The following CFLAR variants were observed in gnomAD, a reference collection of about 807,000 sequenced individuals.
CFLAR encodes the protein CASP8 and FADD like apoptosis regulator.
Under a neutral mutation model 51.1 loss-of-function variants are expected in CFLAR, and 14 were observed. The observed-to-expected ratio is 0.27, with a 90% CI of 0.18 to 0.43. The LOEUF (loss-of-function observed/expected upper bound fraction) is 0.43. Among genes scored for constraint, CFLAR ranks in the 20% least tolerant of loss-of-function variants. CFLAR has a pLI of 1.00. For synonymous variants in CFLAR, 210 were observed against 211.6 expected, an observed-to-expected ratio of 0.99 and a Z score of 0.06; for missense variants, 390 against 566.5, an observed-to-expected ratio of 0.69 and a Z score of 3.16.
chr2:201,156,305 C>G (rs1362126279), intron 8 of CFLAR, among the ~76,000 whole-genome samples: 1 of 152,196 alleles, frequency 6.6e-6, no homozygotes, highest in Non-Finnish European at 1.5e-5. Flanking sequence ...GCGAAGAAAC[C>G]TATTTTAGCC....
rs1425339375 is a variant in CFLAR at position 201,174,476 on chromosome 2, T to C, written c.*10503T>C. 3 of 152,238 alleles carry C rather than the reference T, an allele frequency of 2.0e-5. No individual in the cohort carries two copies. The highest frequency in any genetic ancestry group is 7.2e-5 in the African/African-American group (3 of 41,462). The allele number at this position is 152,238 out of a possible 1,614,324, so 9.4% of individuals were successfully genotyped here. A position where few individuals can be genotyped will look rare whatever the true frequency, so the allele number is the denominator to read the frequency against. On this transcript the variant is annotated 3_prime_UTR_variant, in exon 10 of 10. Coordinates refer to ENST00000309955, the MANE Select transcript of CFLAR (RefSeq NM_003879.7). ...TATCTTATGGTAGTACCACACTGTC[T>C]TGATTATTGTAACTTCGTAGTAAGT...
In CFLAR at chr2:201,172,445, C is replaced by T. The variant is rs1018042406; in HGVS notation, c.*8472C>T. 3.3e-5 allele frequency: 5 copies of T among 151,984 alleles called. No homozygotes were observed. The highest frequency in any genetic ancestry group is 2.6e-4 in the Admixed American group (4 of 15,236). The allele number at this position is 151,984 out of a possible 1,614,324, so 9.4% of individuals were successfully genotyped here. ...GTAATTCACAAGCCATAAAATTTGC[C>T]CCTTTAAAGTAAATGATGCAGTGGA... On this transcript the variant is annotated 3_prime_UTR_variant, in exon 10 of 10. Transcript: ENST00000309955.
rs528115170 is a variant in CFLAR at position 201,165,075 on chromosome 2, G to A, written c.*1102G>A. The A allele has an allele frequency of 7.4e-4, 112 of 152,066 alleles. No individual in the cohort carries two copies. Among genetic ancestry groups the A allele is most frequent in the African/African-American group, 2.4e-3 (100 of 41,448 alleles). The allele number at this position is 152,066 out of a possible 1,614,324, so 9.4% of individuals were successfully genotyped here. A position where few individuals can be genotyped will look rare whatever the true frequency, so the allele number is the denominator to read the frequency against. On this transcript the variant is annotated 3_prime_UTR_variant, in exon 10 of 10. Coordinates refer to ENST00000309955, the MANE Select transcript of CFLAR (RefSeq NM_003879.7). ...GATACTGTCTCCCCTTTGAATTCTG[G>A]GGGGAATACAAACATTCAGTTTGTA... is the stretch of plus-strand genomic sequence containing the variant.
At chr2:201,158,557 G>GA (rs1553561233) in intron 8 of CFLAR, among the ~76,000 whole-genome samples, 4 of 152,026 alleles carry the variant, frequency 2.6e-5, no homozygotes, top group Non-Finnish European at 5.9e-5. Flanking sequence ...GATTAGAGAC[G>GA]TGTGAGTCCT....
In CFLAR at chr2:201,129,912, A is replaced by C; in HGVS notation, c.47A>C (p.Asp16Ala). The change falls in exon 2 of 10, where the codon GAT (aspartate) becomes GCT (alanine). Residue 16 changes from aspartate to alanine, a missense_variant. By Grantham distance (126) the Asp-to-Ala change is moderately radical. This residue lies in a region of CFLAR where 103 missense variants were observed against 202.9 expected (regional missense o/e 0.51). Coordinates refer to ENST00000309955, the MANE Select transcript of CFLAR (RefSeq NM_003879.7). ...CAGGTTGAAGAAGCACTTGATACAG[A>C]TGAGAAGGAGATGCTGCTCTTTTTG... ...IHQVEEALDT[D>A]EKEMLLFLCR... is the part of the protein sequence containing the mutation. 1 of 1,614,180 alleles carries C rather than the reference A, an allele frequency of 6.2e-7. No homozygotes were observed. The highest frequency in any genetic ancestry group is 8.5e-7 in the Non-Finnish European group (1 of 1,180,036).
At position 201,124,566 on chromosome 2, in the gene CFLAR, C is replaced by T. The variant is rs1034510172; in HGVS notation, c.-137-5163C>T. 6.6e-6 allele frequency among the ~76,000 whole-genome samples: 1 copy of T among 152,136 alleles called. No homozygotes were observed. The highest frequency in any genetic ancestry group is 6.5e-5 in the Admixed American group (1 of 15,274). On this transcript the variant is annotated intron_variant, in intron 1 of 9. Transcript: ENST00000309955. This position sits in a 1 kb window ranked among gnomAD's most constrained non-coding sequence, Gnocchi z 4.7. ...GCCAGGCTGGTCTTGAACTCCTTGC[C>T]TCAAGTGATCCGCCCGCCTTGGCCT... is the stretch of plus-strand genomic sequence containing the variant.
chr2:201,150,540 G>C (rs1941108346), intron 8 of CFLAR: 1 of 152,146 alleles, frequency 6.6e-6, no homozygotes, highest in South Asian at 2.1e-4. Flanking sequence ...ACACAATAGA[G>C]ACTTGTTTCT....
intron 5 of CFLAR, chr2:201,143,446 T>C (rs1032383651): frequency 6.6e-6 from 1 of 151,788 alleles, no homozygotes; most frequent in African/African-American, 2.4e-5. Context: ...CACTCCAGTT[T>C]GGGCAACAAG....
At chr2:201,141,495 G>A (rs1364124727) in intron 5 of CFLAR, 1 of 1,520,152 alleles carries the variant, frequency 6.6e-7, no homozygotes, top group African/African-American at 1.4e-5. Flanking sequence ...TTTTCTAAAT[G>A]TGTTATAATG....
Position 201,172,864 on chromosome 2 carries a change from T to A in CFLAR, c.*8891T>A. On this transcript the variant is annotated 3_prime_UTR_variant, in exon 10 of 10. Coordinates refer to ENST00000309955, the MANE Select transcript of CFLAR (RefSeq NM_003879.7). ...GATGATGCTGCTATGAATATTCGTA[T>A]ATGAATTTTTATATGGATATATGTT... 1 of 152,224 alleles carries A rather than the reference T, an allele frequency of 6.6e-6. No individual in the cohort carries two copies. The highest frequency in any genetic ancestry group is 1.5e-5 in the Non-Finnish European group (1 of 68,034). 9.4% of individuals were successfully genotyped at this position (152,224 alleles called of 1,614,324 possible).
intron 6 of CFLAR, among the ~76,000 whole-genome samples, chr2:201,147,008 G>A (rs1230295766): frequency 6.6e-6 from 1 of 152,224 alleles, no homozygotes; most frequent in African/African-American, 2.4e-5. Context: ...GTGAGGTGAT[G>A]AGAATTAGTA....
chr2:201,176,533 A>G lies in CFLAR; in HGVS notation c.*12560A>G, dbSNP rs1319475465. On this transcript the variant is annotated 3_prime_UTR_variant, in exon 10 of 10. Coordinates refer to ENST00000309955, the MANE Select transcript of CFLAR (RefSeq NM_003879.7). Reference sequence around the variant, plus strand: ...ATTGTGAATTTTTATAGATGTGGCTAAGTCATATGCTTCCTTCTGAAAAAT... The same window carrying G: ...ATTGTGAATTTTTATAGATGTGGCTGAGTCATATGCTTCCTTCTGAAAAAT... 1 of 152,180 alleles carries G rather than the reference A, an allele frequency of 6.6e-6. No homozygotes were observed. Among genetic ancestry groups the G allele is most frequent in the Non-Finnish European group, 1.5e-5 (1 of 68,042 alleles). The allele number at this position is 152,180 out of a possible 1,614,324, so 9.4% of individuals were successfully genotyped here. A position where few individuals can be genotyped will look rare whatever the true frequency, so the allele number is the denominator to read the frequency against.
chr2:201,145,154 ATT>A (rs1939857760), intron 5 of CFLAR, among the ~76,000 whole-genome samples: 1 of 152,064 alleles, frequency 6.6e-6, no homozygotes, highest in African/African-American at 2.4e-5. Flanking sequence ...CTCCCGGCCT[ATT>A]TTCATCTTTT....
Position 201,118,034 on chromosome 2 carries a change from C to A in CFLAR, c.-138+1553C>A, listed in dbSNP as rs941259435. On this transcript the variant is annotated intron_variant, in intron 1 of 9. Transcript: ENST00000309955. This position sits in a 1 kb window ranked among gnomAD's most constrained non-coding sequence, Gnocchi z 5.1. ...CATCCCAAAGTGCTGGGATTACAGG[C>A]GTGAGCCACCATGCCCGGCCCAACT... 3.3e-5 allele frequency among the ~76,000 whole-genome samples: 5 copies of A among 152,104 alleles called. No individual in the cohort carries two copies. Among genetic ancestry groups the A allele is most frequent in the African/African-American group, 4.8e-5 (2 of 41,416 alleles).
rs191456488 is a variant in CFLAR, at chr2:201,164,066, G to C, written c.*93G>C. ...AGATCACTTCAGGTCAGGAGTTCGA[G>C]ACCAGCCTGGCCAACATGGTAAACG... On this transcript the variant is annotated 3_prime_UTR_variant, in exon 10 of 10. Transcript: ENST00000309955. 7 of 1,011,104 alleles carry C rather than the reference G, an allele frequency of 6.9e-6. No individual in the cohort carries two copies. The East Asian group carries it at 1.6e-4, about 23-fold the overall frequency. The allele number at this position is 1,011,104 out of a possible 1,614,324, so 62.6% of individuals were successfully genotyped here. A position where few individuals can be genotyped will look rare whatever the true frequency, so the allele number is the denominator to read the frequency against.
chr2:201,128,160 CTTTAA>C (rs900726899), intron 1 of CFLAR, among the ~76,000 whole-genome samples: 9 of 152,030 alleles, frequency 5.9e-5, no homozygotes, highest in African/African-American at 1.9e-4. Context: ...ATATTTTATA[CTTTAA>C]TTTATAATAA....
intron 4 of CFLAR, chr2:201,136,346 C>T (rs956736877): frequency 6.3e-7 from 1 of 1,598,426 alleles, no homozygotes; most frequent in Non-Finnish European, 8.5e-7. Context: ...CAGTTCTTAA[C>T]ATTTCAGTCT....
chr2:201,139,999 G>A (rs527620843), intron 4 of CFLAR: 26 of 295,472 alleles, frequency 8.8e-5, no homozygotes, highest in Non-Finnish European at 1.8e-4. Flanking sequence ...CCACGTAGCC[G>A]GTGCTGCTGC....
chr2:201,157,907 C>T (rs1039037932), intron 8 of CFLAR: 3 of 152,292 alleles, frequency 2.0e-5, no homozygotes, highest in Non-Finnish European at 2.9e-5. Context: ...GTAATGTCTT[C>T]AGGCTGGGCC....
Sources: allele counts gnomAD v4.1 joint callset (sites outside exome capture counted in the v4.1 genomes callset), GRCh38; gene constraint gnomAD v4.1.1; regional missense constraint gnomAD v4.1.1; non-coding constraint Gnocchi (gnomAD v3.1); transcripts MANE v1.5; gene names NCBI Gene and HGNC (gene_info 2026-07-23, HGNC 2026-07-21).